COL24A1: variants seen among roughly 807,000 people sequenced by gnomAD.
COL24A1 encodes collagen type XXIV alpha 1 chain.
A neutral mutation model predicts 253.9 loss-of-function variants in COL24A1; 224 were observed. The ratio of observed to expected loss-of-function variants is 0.88; its 90% confidence interval spans 0.79 to 0.99. The LOEUF (loss-of-function observed/expected upper bound fraction) is 0.99, where lower values mean the gene tolerates loss of function less well. Ranked by LOEUF, COL24A1 falls within the 50% of genes least tolerant of loss-of-function variation. The probability of loss-of-function intolerance (pLI) is 0.00; values close to 1 mark genes in which losing one functional copy is unlikely to be tolerated. For synonymous variants in COL24A1, 685 were observed against 673.7 expected, an observed-to-expected ratio of 1.02 and a Z score of -0.26; for missense variants, 2,131 against 2,068.5, an observed-to-expected ratio of 1.03 and a Z score of -0.59.
intron 24 of COL24A1, among the ~76,000 whole-genome samples, chr1:85,935,091 C>A (rs1001410314): frequency 6.6e-6 from 1 of 152,030 alleles, no homozygotes; most frequent in Non-Finnish European, 1.5e-5. Context: ...AAACTCTCTC[C>A]TAATATTTTT....
At chr1:86,008,009 A>G (rs1420385614) in intron 19 of COL24A1, among the ~76,000 whole-genome samples, 1 of 152,182 alleles carries the variant, frequency 6.6e-6, no homozygotes, top group Non-Finnish European at 1.5e-5. Flanking sequence ...ATCAATTGTA[A>G]CAAATGTGCC....
Position 85,875,328 on chromosome 1 carries a change from T to A in COL24A1, c.3033A>T (p.Gly1011=), listed in dbSNP as rs552846069. Residue 1011 remains glycine, a splice_region_variant and synonymous_variant, in exon 34 of 60, where the codon GGA becomes GGT. Transcript: ENST00000370571. Reference sequence around the variant, plus strand: ...CAGACTCTCCCTCAGTGCCTGGAGGTCCCTACAAGAGAATAATTTAACACA... The same window carrying A: ...CAGACTCTCCCTCAGTGCCTGGAGGACCCTACAAGAGAATAATTTAACACA... ...VGPPGEMGME[G]PPGTEGESGL... 3 of 1,613,022 alleles carry A rather than the reference T, an allele frequency of 1.9e-6. No individual in the cohort carries two copies. Among genetic ancestry groups the A allele is most frequent in the Non-Finnish European group, 2.5e-6 (3 of 1,179,274 alleles).
intron 2 of COL24A1, among the ~76,000 whole-genome samples, chr1:86,131,434 A>C (rs1572027629): frequency 6.6e-6 from 1 of 152,136 alleles, no homozygotes; most frequent in South Asian, 2.1e-4. Context: ...ACATATGTAC[A>C]CATGTGCCAT....
At chr1:85,797,637 G>A (rs191597847) in intron 47 of COL24A1, among the ~76,000 whole-genome samples, 233 of 152,186 alleles carry the variant, frequency 1.5e-3, no homozygotes, top group Middle Eastern at 3.4e-3. Flanking sequence ...GTGAACCTGC[G>A]GAAGTTATTT....
chr1:86,040,016 G>C (rs1699338999), intron 12 of COL24A1, among the ~76,000 whole-genome samples: 1 of 152,144 alleles, frequency 6.6e-6, no homozygotes. Context: ...CCCAATTCAT[G>C]GAGATTTGGC....
intron 19 of COL24A1, among the ~76,000 whole-genome samples, chr1:85,995,880 G>A (rs1027816310): frequency 2.6e-5 from 4 of 152,052 alleles, no homozygotes; most frequent in African/African-American, 7.2e-5. Flanking sequence ...CTTACCCTTT[G>A]CCTTCTACCA....
chr1:85,768,700 A>G (rs1667647945), intron 53 of COL24A1, among the ~76,000 whole-genome samples: 1 of 152,110 alleles, frequency 6.6e-6, no homozygotes, highest in Non-Finnish European at 1.5e-5. Context: ...ATACCAGTCC[A>G]GTAACTTGGG....
At chr1:85,765,138 T>C (rs542144490) in intron 53 of COL24A1, among the ~76,000 whole-genome samples, 11 of 152,330 alleles carry the variant, frequency 7.2e-5, no homozygotes, top group African/African-American at 2.2e-4. Flanking sequence ...TCCCATATCC[T>C]AGTTTTTCCT....
rs1705724750 is a variant in COL24A1, at chr1:86,112,618, G to T, written c.1548C>A (p.Gly516=). 3 of 1,612,766 alleles carry T rather than the reference G, an allele frequency of 1.9e-6. No homozygotes were observed. In the East Asian group the frequency reaches 6.7e-5, roughly 36 times the overall value. ...CAGGATTTCCATGTGGCCCTGGTATGCCCTGCAAGTAACGAAAAAAGTCAT... is the reference window on the plus strand; with the variant it reads ...CAGGATTTCCATGTGGCCCTGGTATTCCCTGCAAGTAACGAAAAAAGTCAT... ...PGPSGKRGPR[G]IPGPHGNPGL... Residue 516 remains glycine, a splice_region_variant and synonymous_variant, in exon 5 of 60, where the codon GGC becomes GGA. Transcript: ENST00000370571.
Position 86,057,923 on chromosome 1 carries a change from CTACT to C in COL24A1, c.1851+4_1851+7del. 6.2e-7 allele frequency: 1 copy of C among 1,611,770 alleles called. No individual in the cohort carries two copies. The highest frequency in any genetic ancestry group is 8.5e-7 in the Non-Finnish European group (1 of 1,178,842). On this transcript the variant is annotated splice_donor_5th_base_variant and intron_variant, in intron 10 of 59. Coordinates refer to ENST00000370571, the MANE Select transcript of COL24A1 (RefSeq NM_152890.7). ...ATGCTTAACAGAATGATGGAAATGC[CTACT>C]TACTTGTGCACCTTTAGGACCTGGA...
chr1:86,029,541 C>T (rs138790285), intron 14 of COL24A1, among the ~76,000 whole-genome samples: 773 of 152,120 alleles, frequency 5.1e-3, no homozygotes, highest in Non-Finnish European at 8.7e-3. Context: ...CAAGTTAAAG[C>T]TTATGCTGAC....
chr1:86,090,115 G>A (rs1703388252), intron 6 of COL24A1, among the ~76,000 whole-genome samples: 2 of 152,190 alleles, frequency 1.3e-5, no homozygotes, highest in South Asian at 4.1e-4. Context: ...AGTCCATCAT[G>A]TGCTTGGCTC....
intron 45 of COL24A1, among the ~76,000 whole-genome samples, chr1:85,819,024 AAG>A (rs1328883355): frequency 1.3e-5 from 2 of 152,356 alleles, no homozygotes; most frequent in East Asian, 3.9e-4. Context: ...CACAGAGAAA[AAG>A]AGCATCTTCT....
At chr1:85,984,548 G>T (rs1319153949) in intron 20 of COL24A1, among the ~76,000 whole-genome samples, 3 of 151,782 alleles carry the variant, frequency 2.0e-5, no homozygotes, top group African/African-American at 7.2e-5. Flanking sequence ...GTTATTGAAT[G>T]AATGGATAAA....
At chr1:85,907,464 C>G (rs985190961) in intron 27 of COL24A1, among the ~76,000 whole-genome samples, 4 of 151,796 alleles carry the variant, frequency 2.6e-5, no homozygotes, top group Non-Finnish European at 5.9e-5. Flanking sequence ...GGTGTTTACA[C>G]CCTGAATAAA....
At chr1:85,948,041 T>C (rs1689500391) in intron 24 of COL24A1, among the ~76,000 whole-genome samples, 1 of 152,170 alleles carries the variant, frequency 6.6e-6, no homozygotes, top group African/African-American at 2.4e-5. Flanking sequence ...TGTTAAGATA[T>C]CAATTACTCC....
At chr1:86,051,038 T>C (rs1700260611) in intron 10 of COL24A1, among the ~76,000 whole-genome samples, 1 of 152,154 alleles carries the variant, frequency 6.6e-6, no homozygotes, top group African/African-American at 2.4e-5. Context: ...ACTGATGTTA[T>C]GCTGTATTTC....
At chr1:85,973,628 G>A (rs1692389479) in intron 20 of COL24A1, among the ~76,000 whole-genome samples, 1 of 152,104 alleles carries the variant, frequency 6.6e-6, no homozygotes, top group Non-Finnish European at 1.5e-5. Flanking sequence ...AAAGAAACAG[G>A]CTCAGCTCCA....
intron 53 of COL24A1, among the ~76,000 whole-genome samples, chr1:85,764,825 C>G (rs1286440044): frequency 6.6e-6 from 1 of 152,022 alleles, no homozygotes; most frequent in East Asian, 1.9e-4. Flanking sequence ...GCTACCCAAG[C>G]TGGCTTTGAA....
Sources: gnomAD v4.1 joint callset for allele counts (sites outside exome capture counted in the v4.1 genomes callset) on GRCh38, gnomAD v4.1.1 for gene constraint, MANE v1.5 for transcripts, NCBI Gene and HGNC (gene_info 2026-07-23, HGNC 2026-07-21) for gene names.